The following PRKCG variants were observed in gnomAD, a reference collection of about 807,000 sequenced individuals.
The protein encoded by PRKCG is protein kinase C gamma type.
Under a neutral mutation model 82.0 loss-of-function variants are expected in PRKCG, and 28 were observed. The observed-to-expected ratio is 0.34, with a 90% confidence interval of 0.25 to 0.47. The LOEUF (loss-of-function observed/expected upper bound fraction) is 0.47. PRKCG is among the 20% of genes least tolerant of loss of function. The pLI is 1.00. For missense variants in PRKCG, 640 were observed against 952.7 expected (o/e 0.67, Z 4.32); for synonymous variants, 383 against 376.6 (o/e 1.02, Z -0.20).
chr19:53,893,756 A>ATTTATT (rs577672346), intron 9 of PRKCG, among the ~76,000 whole-genome samples: 3,337 of 151,062 alleles, frequency 0.022, 66 homozygotes, highest in African/African-American at 0.049. Context: ...AAATTTTTTA[A>ATTTATT]TTTATTTTTA....
Position 53,883,054 on chromosome 19 carries a change from C to A in PRKCG, c.171-109C>A. 7.0e-7 allele frequency: 1 copy of A among 1,430,192 alleles called. No homozygotes were observed. Among genetic ancestry groups the A allele is most frequent in the Non-Finnish European group, 9.9e-7 (1 of 1,014,884 alleles). 88.6% of individuals were successfully genotyped at this position (1,430,192 alleles called of 1,614,324 possible). ...GAGGAGGTGGCCGGGGCTTGGACACCTGGGCCCTGCGGGAGGAGGGTCAGA... is the reference window on the plus strand; with the variant it reads ...GAGGAGGTGGCCGGGGCTTGGACACATGGGCCCTGCGGGAGGAGGGTCAGA... On this transcript the variant is annotated intron_variant, in intron 1 of 17. Coordinates refer to ENST00000263431, the MANE Select transcript of PRKCG (RefSeq NM_002739.5). This position sits in a 1 kb window ranked among gnomAD's most constrained non-coding sequence, Gnocchi z 5.4.
intron 3 of PRKCG, among the ~76,000 whole-genome samples, chr19:53,886,474 C>A (rs998554145): frequency 1.3e-5 from 2 of 151,998 alleles, no homozygotes; most frequent in Non-Finnish European, 2.9e-5. Context: ...GGGATCATAG[C>A]TCACTGCAGC....
intron 16 of PRKCG, among the ~76,000 whole-genome samples, chr19:53,905,216 C>G (rs1012489868): frequency 1.3e-5 from 2 of 152,178 alleles, no homozygotes; most frequent in African/African-American, 4.8e-5. Context: ...ATCTCCCTGA[C>G]AGTCTCTCTG....
Position 53,884,131 on chromosome 19 carries a change from C to G in PRKCG, c.203-30C>G. ...CTCCCGCTGGACTAATCCATGCCTC[C>G]GTCTGTGTCTCTATGATTTTCATCT... On this transcript the variant is annotated intron_variant, in intron 2 of 17. Transcript: ENST00000263431. This position sits in a 1 kb window ranked among gnomAD's most constrained non-coding sequence, Gnocchi z 4.6. 6.2e-7 allele frequency: 1 copy of G among 1,609,846 alleles called. No homozygotes were observed. The highest frequency in any genetic ancestry group is 8.5e-7 in the Non-Finnish European group (1 of 1,176,340).
chr19:53,890,968 T>C (rs143535077), intron 5 of PRKCG, among the ~76,000 whole-genome samples: 3,674 of 152,014 alleles, frequency 0.024, 81 homozygotes, highest in African/African-American at 0.057. Flanking sequence ...GCCAGGCTGG[T>C]CTGGAACTCC....
In PRKCG at chr19:53,892,521, A is replaced by G. The variant is rs1357755949; in HGVS notation, c.699A>G (p.Pro233=). 3.4e-5 allele frequency: 55 copies of G among 1,612,342 alleles called. No homozygotes were observed. The highest frequency in any genetic ancestry group is 4.7e-5 in the Non-Finnish European group (55 of 1,179,690). ...CACCTTCCTGCAGCAACCTGAAGCC[A>G]GGGGATGTGGAGCGCCGGCTCAGCG... The part of the protein sequence containing the change: ...WNETFVFNLK[P]GDVERRLSVE... Residue 233 remains proline (P), a synonymous_variant, in exon 7 of 18, where the codon CCA becomes CCG. Transcript: ENST00000263431. The surrounding 1 kb of genome is among the most constrained non-coding windows in gnomAD (Gnocchi z 5.9).
intron 3 of PRKCG, among the ~76,000 whole-genome samples, chr19:53,887,511 A>G: frequency 1.5e-5 from 2 of 137,324 alleles, no homozygotes; most frequent in Non-Finnish European, 1.5e-5. Context: ...AAAAAAAAAA[A>G]AAAAAAAAAA....
intron 3 of PRKCG, among the ~76,000 whole-genome samples, chr19:53,885,822 C>T (rs985814167): frequency 2.0e-5 from 3 of 152,030 alleles, no homozygotes; most frequent in Admixed American, 6.5e-5. Flanking sequence ...TCTACCAGCA[C>T]GTGTATGTGA....
chr19:53,891,771 A>G lies in PRKCG; in HGVS notation c.627A>G (p.Lys209=), dbSNP rs1298650848. 1 of 1,613,974 alleles carries G rather than the reference A, an allele frequency of 6.2e-7. No individual in the cohort carries two copies. Among genetic ancestry groups the G allele is most frequent in the Non-Finnish European group, 8.5e-7 (1 of 1,180,020 alleles). ...TCCCAGACCCTCGGAACCTGACGAAACAGAAGACCCGAACGGTGAAAGCCA... is the reference window on the plus strand; with the variant it reads ...TCCCAGACCCTCGGAACCTGACGAAGCAGAAGACCCGAACGGTGAAAGCCA... ...KLIPDPRNLT[K]QKTRTVKATL... The change falls in exon 6 of 18, where the codon AAA becomes AAG. Residue 209 remains lysine, a synonymous_variant. Coordinates refer to ENST00000263431, the MANE Select transcript of PRKCG (RefSeq NM_002739.5).
Position 53,900,784 on chromosome 19 carries a change from A to G in PRKCG, c.1575+35A>G, listed in dbSNP as rs1391023112. 3 of 1,613,786 alleles carry G rather than the reference A, an allele frequency of 1.9e-6. No individual in the cohort carries two copies. The highest frequency in any genetic ancestry group is 2.5e-6 in the Non-Finnish European group (3 of 1,180,020). On this transcript the variant is annotated intron_variant, in intron 14 of 17. Transcript: ENST00000263431. This position sits in a 1 kb window ranked among gnomAD's most constrained non-coding sequence, Gnocchi z 4.2. ...ACCCTGCTGCTCTGGTCACGCTTTGAGATCCCTTAGAGGGTGTAGCTGATG... is the reference window on the plus strand; with the variant it reads ...ACCCTGCTGCTCTGGTCACGCTTTGGGATCCCTTAGAGGGTGTAGCTGATG...
In PRKCG at chr19:53,890,163, C is replaced by G. The variant is rs1401959989; in HGVS notation, c.529+146C>G. On this transcript the variant is annotated intron_variant, in intron 5 of 17. Transcript: ENST00000263431. ...CACGCCCACACTCCTGACCCCACCC[C>G]AAAGGCCGAGCACACCCAGCCATAC... 3 of 915,504 alleles carry G rather than the reference C, an allele frequency of 3.3e-6. No homozygotes were observed. In the East Asian group the frequency reaches 7.9e-5, roughly 24 times the overall value. The allele number at this position is 915,504 out of a possible 1,614,324, so 56.7% of individuals were successfully genotyped here. A position where few individuals can be genotyped will look rare whatever the true frequency, so the allele number is the denominator to read the frequency against.
rs375466358 is a variant in PRKCG, at chr19:53,892,633, G to A, written c.811G>A (p.Val271Met). 171 of 1,611,524 alleles carry A rather than the reference G, an allele frequency of 1.1e-4. No individual in the cohort carries two copies. Among genetic ancestry groups the A allele is most frequent in the Admixed American group, 1.3e-4 (8 of 59,976 alleles). Residue 271 changes from valine to methionine, a missense_variant, in exon 7 of 18, where the codon GTG becomes ATG. Coordinates refer to ENST00000263431, the MANE Select transcript of PRKCG (RefSeq NM_002739.5). This position sits in a 1 kb window ranked among gnomAD's most constrained non-coding sequence, Gnocchi z 5.9. ...CGTCTCGGAGCTGCTCAAGGCGCCC[G>A]TGGATGGCTGGTGAGGAGCAGGGCT... is the stretch of plus-strand genomic sequence containing the variant. ...FGVSELLKAPVDGWYKLLNQE... is the reference protein window; with the variant it reads ...FGVSELLKAPMDGWYKLLNQE...
intron 9 of PRKCG, among the ~76,000 whole-genome samples, chr19:53,894,660 A>C (rs1276850689): frequency 6.6e-6 from 1 of 150,960 alleles, no homozygotes; most frequent in East Asian, 2.0e-4. Flanking sequence ...GGGTTTCGAC[A>C]TGTTGGCCAG....
At chr19:53,897,358 G>A (rs976000136) in intron 9 of PRKCG, among the ~76,000 whole-genome samples, 1 of 152,246 alleles carries the variant, frequency 6.6e-6, no homozygotes, top group Non-Finnish European at 1.5e-5. Context: ...CTGGGGGGCC[G>A]AGGCAGGAAA....
intron 9 of PRKCG, among the ~76,000 whole-genome samples, chr19:53,896,008 C>T (rs1425267517): frequency 2.0e-5 from 3 of 149,578 alleles, no homozygotes; most frequent in Admixed American, 1.3e-4. Flanking sequence ...TGCAATGAGC[C>T]GAGATCGTGC....
Position 53,906,937 on chromosome 19 carries a change from C to G in PRKCG, c.*42C>G. ...TAGGTGTCCCCAACGTCCCCTCCGC[C>G]GTGCCGGCGGCAGCCCCACTTCACC... On this transcript the variant is annotated 3_prime_UTR_variant, in exon 18 of 18. Coordinates refer to ENST00000263431, the MANE Select transcript of PRKCG (RefSeq NM_002739.5). 1.2e-6 allele frequency: 2 copies of G among 1,612,072 alleles called. No individual in the cohort carries two copies. The highest frequency in any genetic ancestry group is 1.1e-5 in the South Asian group (1 of 91,036).
At chr19:53,893,902 C>G (rs532497588) in intron 9 of PRKCG, among the ~76,000 whole-genome samples, 1 of 151,260 alleles carries the variant, frequency 6.6e-6, no homozygotes, top group Non-Finnish European at 1.5e-5. Flanking sequence ...TACAGGTGAC[C>G]GCCACCACAC....
intron 9 of PRKCG, among the ~76,000 whole-genome samples, chr19:53,897,062 G>A (rs1331326998): frequency 2.0e-5 from 3 of 152,112 alleles, no homozygotes; most frequent in African/African-American, 7.2e-5. Context: ...GTGGGAGGGA[G>A]GACAATGAGT....
At chr19:53,901,849 CAAAAAA>C (rs752402468) in intron 14 of PRKCG, among the ~76,000 whole-genome samples, 5 of 69,086 alleles carry the variant, frequency 7.2e-5, no homozygotes, top group African/African-American at 2.1e-4. Flanking sequence ...GACCCTGTCT[CAAAAAA>C]AAAAAAAAAA....
Sources: allele counts gnomAD v4.1 joint callset (sites outside exome capture counted in the v4.1 genomes callset), GRCh38; gene constraint gnomAD v4.1.1; non-coding constraint Gnocchi (gnomAD v3.1); transcripts MANE v1.5; gene names NCBI Gene and HGNC (gene_info 2026-07-23, HGNC 2026-07-21).